Variants in IRAG2 observed in about 807,000 individuals in gnomAD.
The protein encoded by IRAG2 is lymphoid restricted membrane protein.
Under a neutral mutation model 69.9 loss-of-function variants are expected in IRAG2, and 45 were observed. The observed-to-expected ratio is 0.64, with a 90% CI of 0.51 to 0.83. The LOEUF (loss-of-function observed/expected upper bound fraction) is 0.83, where lower values mean the gene tolerates loss of function less well. Ranked by LOEUF, IRAG2 falls within the 40% of genes least tolerant of loss-of-function variation. The pLI is 0.00. For synonymous variants in IRAG2, 193 were observed against 202.4 expected, an observed-to-expected ratio of 0.95 and a Z score of 0.40; for missense variants, 520 against 587.0, an observed-to-expected ratio of 0.89 and a Z score of 1.18.
chr12:25,069,258 C>A, intron 5 of IRAG2, 92 bp from the exon 6 acceptor site: 1 of 606,230 alleles, frequency 1.6e-6, no homozygotes, highest in Non-Finnish European at 2.9e-6. Context: ...TAGGACTGGG[C>A]GTAGGGGAGT....
intron 14 of IRAG2, chr12:25,091,154 C>A: frequency 5.8e-6 from 1 of 173,160 alleles, no homozygotes; most frequent in Non-Finnish European, 1.2e-5. Context: ...AAATATGTAA[C>A]ATAAAATTTA....
At chr12:25,090,857 T>C (rs1046506331) in intron 14 of IRAG2, 5 of 454,294 alleles carry the variant, frequency 1.1e-5, no homozygotes, top group African/African-American at 2.0e-5. Flanking sequence ...ATAGGAAATA[T>C]CAATTTTAAG....
chr12:25,070,459 A>G (rs1352863671), intron 6 of IRAG2, among the ~76,000 whole-genome samples: 3 of 152,196 alleles, frequency 2.0e-5, no homozygotes, highest in African/African-American at 7.2e-5. Flanking sequence ...TCATAGCATG[A>G]TATCAGTACT....
chr12:25,083,390 C>G (rs1565570819), intron 9 of IRAG2, 33 bp from the exon 10 acceptor site: 1 of 1,464,414 alleles, frequency 6.8e-7, no homozygotes, highest in South Asian at 1.1e-5. Flanking sequence ...TCCTGCCCCC[C>G]TAACTGCTTT....
intron 20 of IRAG2, 45 bp downstream of exon 20, chr12:25,104,507 C>A: frequency 9.7e-7 from 1 of 1,029,072 alleles, no homozygotes; most frequent in Non-Finnish European, 1.5e-6. Context: ...TGAACTGGGG[C>A]ATAAACAATG....
At chr12:25,100,024 A>AAAAAAAAAAAAAAG (rs1948664196) in intron 15 of IRAG2, among the ~76,000 whole-genome samples, 1 of 140,658 alleles carries the variant, frequency 7.1e-6, no homozygotes, top group Non-Finnish European at 1.6e-5. Context: ...AAAAAAAAAA[A>AAAAAAAAAAAAAAG]ATGGGCAAAA....
intron 16 of IRAG2, 146 bp downstream of exon 16, chr12:25,101,471 T>C (rs1948745816): frequency 1.7e-6 from 1 of 601,484 alleles, no homozygotes; most frequent in Admixed American, 3.8e-5. Flanking sequence ...TTTATATAGC[T>C]AAAAGTGAGG....
intron 1 of IRAG2, among the ~76,000 whole-genome samples, chr12:25,057,252 A>AT (rs368710047): frequency 0.052 from 4,645 of 89,008 alleles, 652 homozygotes; most frequent in East Asian, 0.11. Flanking sequence ...AGGTAGACAG[A>AT]TTTTTTTTTT....
chr12:25,058,718 GC>G (rs1163466130), intron 1 of IRAG2, among the ~76,000 whole-genome samples: 1 of 152,148 alleles, frequency 6.6e-6, no homozygotes, highest in Non-Finnish European at 1.5e-5. Flanking sequence ...TTAGAAAGTT[GC>G]TTTATCTCAA....
In IRAG2 at chr12:25,097,006, G is replaced by A. The variant is rs747793440; in HGVS notation, c.703G>A (p.Val235Met). 1.2e-6 allele frequency: 2 copies of A among 1,613,352 alleles called. No homozygotes were observed. Among genetic ancestry groups the A allele is most frequent in the Non-Finnish European group, 1.7e-6 (2 of 1,179,692 alleles). ...GTTTCTTAGCCAGTGTGCAGCACGAGTGGCCAGTAGGGCTGAGATGTTGGG... is the reference window on the plus strand; with the variant it reads ...GTTTCTTAGCCAGTGTGCAGCACGAATGGCCAGTAGGGCTGAGATGTTGGG... ...IKFLSQCAARVASRAEMLGAI... is the reference protein window; with the variant it reads ...IKFLSQCAARMASRAEMLGAI... The change falls in exon 15 of 22, where the codon GTG becomes ATG. Residue 235 changes from valine to methionine, a missense_variant. Val to Met is a conservative substitution (Grantham distance 21). Coordinates refer to ENST00000556887, the MANE Select transcript of IRAG2 (RefSeq NM_001366544.2).
At chr12:25,056,272 G>C (rs185830638) in intron 1 of IRAG2, among the ~76,000 whole-genome samples, 1 of 152,138 alleles carries the variant, frequency 6.6e-6, no homozygotes, top group Non-Finnish European at 1.5e-5. Flanking sequence ...AAGGGATCCA[G>C]GTGATTGAGA....
chr12:25,105,138 G>A (rs57243911), intron 20 of IRAG2, among the ~76,000 whole-genome samples: 1,743 of 146,572 alleles, frequency 0.012, 33 homozygotes, highest in African/African-American at 0.041. Flanking sequence ...GTGCAGTGGC[G>A]CGATCTTAGC....
chr12:25,066,258 G>T (rs993090785), intron 4 of IRAG2, 107 bp from the exon 5 acceptor site: 1 of 395,604 alleles, frequency 2.5e-6, no homozygotes, highest in African/African-American at 2.1e-5. Context: ...AATAGAAGCG[G>T]GTTAACTTTC....
chr12:25,005,348 C>T (rs906236798), exon 2 of IRAG2: 29 of 1,215,330 alleles, frequency 2.4e-5, no homozygotes, highest in Non-Finnish European at 2.8e-5. Flanking sequence ...TGACATCAAA[C>T]GGAAAGGTAA....
chr12:25,020,683 C>A (rs1944571199), intron 6 of IRAG2: 1 of 425,320 alleles, frequency 2.4e-6, no homozygotes. Context: ...TGGTTTAAGC[C>A]TTTAGTGGTT....
In IRAG2 at chr12:25,101,172, T is replaced by C; in HGVS notation, c.742-6T>C. ...ATGTAAATGTGCTCGTTTTTTCTCT[T>C]GCTAGGAAAGCCGGGTTAGTAAAGC... On this transcript the variant is annotated splice_region_variant and splice_polypyrimidine_tract_variant and intron_variant, in intron 15 of 21. Coordinates refer to ENST00000556887, the MANE Select transcript of IRAG2 (RefSeq NM_001366544.2). 6.3e-7 allele frequency: 1 copy of C among 1,592,894 alleles called. No homozygotes were observed. The highest frequency in any genetic ancestry group is 8.5e-7 in the Non-Finnish European group (1 of 1,169,592).
At chr12:25,015,633 A>T (rs1018371585) in intron 5 of IRAG2, among the ~76,000 whole-genome samples, 3 of 152,238 alleles carry the variant, frequency 2.0e-5, no homozygotes, top group African/African-American at 7.2e-5. Context: ...TCGTATGACT[A>T]GTAATCCAAA....
At chr12:25,105,929 C>T (rs1949065521) in intron 20 of IRAG2, among the ~76,000 whole-genome samples, 1 of 152,068 alleles carries the variant, frequency 6.6e-6, no homozygotes, top group African/African-American at 2.4e-5. Context: ...AATTCAAATC[C>T]AACTAGGAAC....
At chr12:25,094,691 C>G (rs983091857) in intron 14 of IRAG2, among the ~76,000 whole-genome samples, 1 of 151,136 alleles carries the variant, frequency 6.6e-6, no homozygotes, top group Non-Finnish European at 1.5e-5. Context: ...ATCAGGTCTA[C>G]CAACCCATGA....
Sources: gnomAD v4.1 joint callset for allele counts (sites outside exome capture counted in the v4.1 genomes callset) on GRCh38, gnomAD v4.1.1 for gene constraint, MANE v1.5 for transcripts, NCBI Gene and HGNC (gene_info 2026-07-23, HGNC 2026-07-21) for gene names.